The following CHRNG variants were observed in gnomAD, a reference collection of about 807,000 sequenced individuals.
CHRNG encodes the protein acetylcholine receptor subunit gamma.
Under a neutral mutation model 65.2 loss-of-function variants are expected in CHRNG, and 72 were observed. The ratio of observed to expected loss-of-function variants is 1.10; its 90% CI spans 0.91 to 1.34. The LOEUF is 1.34. Among genes scored for constraint, CHRNG ranks in the 40% most tolerant of loss-of-function variants. The pLI, the probability that CHRNG is intolerant of heterozygous loss-of-function variation, is 0.00. For missense variants in CHRNG, 637 were observed against 680.1 expected (o/e 0.94, Z 0.70); for synonymous variants, 284 against 290.2 (o/e 0.98, Z 0.22).
rs1447721025 is a variant in CHRNG, at chr2:232,548,060, T to C, written c.*2344T>C. On this transcript the variant is annotated 3_prime_UTR_variant, in exon 12 of 12. Coordinates refer to ENST00000651502, the MANE Select transcript of CHRNG (RefSeq NM_005199.5). The stretch of plus-strand genomic sequence containing the variant: ...AATAGCATTGTCTAATAAAACAATA[T>C]ACATACCTAAATTTAAAAATACTTT... 5.1e-6 allele frequency: 3 copies of C among 587,830 alleles called. No homozygotes were observed. The highest frequency in any genetic ancestry group is 6.9e-5 in the Admixed American group (2 of 28,944). 36.4% of individuals were successfully genotyped at this position (587,830 alleles called of 1,614,324 possible).
Position 232,544,544 on chromosome 2 carries a change from C to G in CHRNG, c.1213C>G (p.Arg405Gly). The G allele has an allele frequency of 1.9e-6, 3 of 1,613,686 alleles. No homozygotes were observed. Among genetic ancestry groups the G allele is most frequent in the Non-Finnish European group, 2.5e-6 (3 of 1,179,904 alleles). ...RSELLFQQWQ[R>G]QGLVAAALEK... Reference sequence around the variant, plus strand: ...TGAACTCCTCTTCCAGCAGTGGCAGCGGCAAGGGCTGGTGGCGGCAGCGCT... The same window carrying G: ...TGAACTCCTCTTCCAGCAGTGGCAGGGGCAAGGGCTGGTGGCGGCAGCGCT... Residue 405 changes from arginine (R) to glycine (G), a missense_variant, in exon 10 of 12, where the codon CGG becomes GGG. Transcript: ENST00000651502.
chr2:232,541,722 C>G lies in CHRNG; in HGVS notation c.506+193C>G, dbSNP rs545869301. 4.6e-6 allele frequency: 3 copies of G among 649,508 alleles called. No homozygotes were observed. Among genetic ancestry groups the G allele is most frequent in the Non-Finnish European group, 8.1e-6 (3 of 371,130 alleles). 40.2% of individuals were successfully genotyped at this position (649,508 alleles called of 1,614,324 possible). ...GTGCCCAAGCTCTCCCTGCTAAGCC[C>G]GAGTCCCCTCACTCATCCTTTACTG... On this transcript the variant is annotated intron_variant, in intron 5 of 11. Transcript: ENST00000651502. The surrounding 1 kb of genome is among the most constrained non-coding windows in gnomAD (Gnocchi z 4.0).
At chr2:232,542,561 G>A in intron 6 of CHRNG, 41 bp downstream of exon 6, 1 of 1,363,996 alleles carries the variant, frequency 7.3e-7, no homozygotes, top group Non-Finnish European at 1.0e-6. Flanking sequence ...CCTCATCCAG[G>A]GCTCCTGCTG....
chr2:232,542,838 C>T, intron 6 of CHRNG, 44 bp from the exon 7 acceptor site: 1 of 1,553,804 alleles, frequency 6.4e-7, no homozygotes, highest in Non-Finnish European at 8.8e-7. Flanking sequence ...ATCTGCCTAG[C>T]TCACGCTTCT....
Position 232,540,422 on chromosome 2 carries a change from G to GA in CHRNG, c.238dup (p.Met80AsnfsTer56). 6.2e-7 allele frequency: 1 copy of GA among 1,614,002 alleles called. No individual in the cohort carries two copies. Among genetic ancestry groups the GA allele is most frequent in the Non-Finnish European group, 8.5e-7 (1 of 1,179,986 alleles). On this transcript the variant is annotated frameshift_variant, in exon 3 of 12. Transcript: ENST00000651502. LOFTEE classifies it high-confidence loss of function. The surrounding 1 kb of genome is among the most constrained non-coding windows in gnomAD (Gnocchi z 4.2). ...CCCTCACCACCAATGTCTGGATAGA[G>GA]ATGGTAAGAGGCCACCCTGCCACCC...
rs779289856 is a variant in CHRNG at position 232,544,868 on chromosome 2, C to T, written c.1346C>T (p.Ala449Val). The change falls in exon 11 of 12, where the codon GCC becomes GTC. Residue 449 changes from alanine to valine, a missense_variant. Transcript: ENST00000651502. ...TGTGTGGAAGCCTGCAACCTCATTG[C>T]CTGTGCCCGGCACCAGCAGAGTCAC... ...QACVEACNLI[A>V]CARHQQSHFD... is the part of the protein sequence containing the mutation. 1.2e-6 allele frequency: 2 copies of T among 1,613,876 alleles called. No individual in the cohort carries two copies. The highest frequency in any genetic ancestry group is 1.7e-6 in the Non-Finnish European group (2 of 1,180,016).
rs1396725532 is a variant in CHRNG at position 232,541,283 on chromosome 2, CT to C, written c.351-90del. The stretch of plus-strand genomic sequence containing the variant: ...GGTAGGGACTGGTGTCCCCAGGCCC[CT>C]ATCCACATGGGGCACAGGGGCTGGT... On this transcript the variant is annotated intron_variant, in intron 4 of 11. Transcript: ENST00000651502. This position sits in a 1 kb window ranked among gnomAD's most constrained non-coding sequence, Gnocchi z 4.0. 22 of 1,534,044 alleles carry C rather than the reference CT, an allele frequency of 1.4e-5. No homozygotes were observed. The highest frequency in any genetic ancestry group is 1.8e-5 in the Non-Finnish European group (20 of 1,113,560).
Position 232,544,821 on chromosome 2 carries a change from G to C in CHRNG, c.1299G>C (p.Gln433His), listed in dbSNP as rs1346603170. The change falls in exon 11 of 12, where the codon CAG becomes CAC. Residue 433 changes from glutamine to histidine, a missense_variant. Gln to His is a conservative substitution (Grantham distance 24). Transcript: ENST00000651502. ...GLSQFCGSLK[Q>H]AAPAIQACVE... ...GCCAGTTCTGTGGCAGCCTGAAGCA[G>C]GCTGCCCCAGCCATCCAGGCCTGTG... is the stretch of plus-strand genomic sequence containing the variant. The C allele has an allele frequency of 6.2e-7, 1 of 1,613,754 alleles. No individual in the cohort carries two copies.
Position 232,543,489 on chromosome 2 carries a change from A to G in CHRNG, c.921-96A>G. ...CTCTTGCCCTCCATCCACCCCCCCC[A>G]TCCTCAATTCAGGAGGCCTGAGGGG... On this transcript the variant is annotated intron_variant, in intron 8 of 11. Coordinates refer to ENST00000651502, the MANE Select transcript of CHRNG (RefSeq NM_005199.5). 2.6e-6 allele frequency: 3 copies of G among 1,139,388 alleles called. No individual in the cohort carries two copies. In the Admixed American group the frequency reaches 6.3e-5, roughly 24 times the overall value. The allele number at this position is 1,139,388 out of a possible 1,614,324, so 70.6% of individuals were successfully genotyped here. A position where few individuals can be genotyped will look rare whatever the true frequency, so the allele number is the denominator to read the frequency against.
At position 232,545,985 on chromosome 2, in the gene CHRNG, C is replaced by G. The variant is rs1258248685; in HGVS notation, c.*269C>G. ...TCCTGGCACCAGCCACCCCTCCACT[C>G]AGTGCACTCCCCTCACTTAGGCAAA... On this transcript the variant is annotated 3_prime_UTR_variant, in exon 12 of 12. Transcript: ENST00000651502. The G allele has an allele frequency of 1.7e-6, 1 of 579,946 alleles. No individual in the cohort carries two copies. The highest frequency in any genetic ancestry group is 3.1e-6 in the Non-Finnish European group (1 of 320,274). The allele number at this position is 579,946 out of a possible 1,614,324, so 35.9% of individuals were successfully genotyped here.
In CHRNG at chr2:232,543,086, C is replaced by T. The variant is rs372184553; in HGVS notation, c.805+4C>T. ...ATCCACTTCCTTCCTGCCAAGGGTA[C>T]CTGGAGCCTATGGGAAGGAGCCATC... is the stretch of plus-strand genomic sequence containing the variant. On this transcript the variant is annotated splice_donor_region_variant and intron_variant, in intron 7 of 11. Transcript: ENST00000651502. The T allele has an allele frequency of 1.5e-5, 24 of 1,613,716 alleles. No individual in the cohort carries two copies. In the African/African-American group the frequency reaches 3.2e-4, roughly 22 times the overall value.
rs767049166 is a variant in CHRNG at position 232,540,636 on chromosome 2, G to A, written c.275G>A (p.Arg92Gln). 30 of 1,612,910 alleles carry A rather than the reference G, an allele frequency of 1.9e-5. No individual in the cohort carries two copies. The East Asian group carries it at 2.5e-4, about 13-fold the overall frequency. ...GACTATCGCCTGCGCTGGGATCCGC[G>A]AGACTACGAAGGCCTGTGGGTGCTG... is the stretch of plus-strand genomic sequence containing the variant. ...WCDYRLRWDP[R>Q]DYEGLWVLRV... The change falls in exon 4 of 12, where the codon CGA becomes CAA. Residue 92 changes from arginine (R) to glutamine (Q), a missense_variant. Coordinates refer to ENST00000651502, the MANE Select transcript of CHRNG (RefSeq NM_005199.5). This position sits in a 1 kb window ranked among gnomAD's most constrained non-coding sequence, Gnocchi z 4.2.
At chr2:232,539,907 C>T (rs1050788484) in intron 1 of CHRNG, 85 bp from the exon 2 acceptor site, 20 of 1,606,918 alleles carry the variant, frequency 1.2e-5, no homozygotes, top group South Asian at 7.7e-5. Context: ...GGACCCAGTT[C>T]CCTGAGTCCC....
chr2:232,541,571 G>A lies in CHRNG; in HGVS notation c.506+42G>A, dbSNP rs1692018437. 2 of 1,607,652 alleles carry A rather than the reference G, an allele frequency of 1.2e-6. No individual in the cohort carries two copies. Among genetic ancestry groups the A allele is most frequent in the Non-Finnish European group, 1.7e-6 (2 of 1,179,176 alleles). ...GGGAGGATTAAGAGAGCTGCTCTCA[G>A]AGGGGCCTGGGCAGTGGTGGGGTAA... On this transcript the variant is annotated intron_variant, in intron 5 of 11. Transcript: ENST00000651502. The surrounding 1 kb of genome is among the most constrained non-coding windows in gnomAD (Gnocchi z 4.0).
rs562647105 is a variant in CHRNG, at chr2:232,547,525, C to T, written c.*1809C>T. ...AGGGGACCTTGGAAATATGCCCTCCCTCCAAGCACAGGATTGCTGTCTTTG... is the reference window on the plus strand; with the variant it reads ...AGGGGACCTTGGAAATATGCCCTCCTTCCAAGCACAGGATTGCTGTCTTTG... On this transcript the variant is annotated 3_prime_UTR_variant, in exon 12 of 12. Transcript: ENST00000651502. 1.3e-5 allele frequency among the ~76,000 whole-genome samples: 2 copies of T among 152,338 alleles called. No homozygotes were observed. Among genetic ancestry groups the T allele is most frequent in the South Asian group, 4.1e-4 (2 of 4,824 alleles).
chr2:232,542,878 G>GCCTGCCCA lies in CHRNG; in HGVS notation c.605-3_605-2insCTGCCCAC, dbSNP rs1559304007. On this transcript the variant is annotated splice_region_variant and splice_polypyrimidine_tract_variant and intron_variant, in intron 6 of 11. Transcript: ENST00000651502. ...CCCACTCCTGCCTGCCTGCCTGCCCGCAGAGAATGGGGAGTGGGCCATCCA... is the reference window on the plus strand; with the variant it reads ...CCCACTCCTGCCTGCCTGCCTGCCCGCCTGCCCACAGAGAATGGGGAGTGGGCCATCCA... The GCCTGCCCA allele has an allele frequency of 6.2e-7, 1 of 1,611,916 alleles. No homozygotes were observed. Among genetic ancestry groups the GCCTGCCCA allele is most frequent in the African/African-American group, 1.3e-5 (1 of 74,904 alleles).
rs372184553 is a variant in CHRNG, at chr2:232,543,086, C to A, written c.805+4C>A. On this transcript the variant is annotated splice_donor_region_variant and intron_variant, in intron 7 of 11. Transcript: ENST00000651502. ...ATCCACTTCCTTCCTGCCAAGGGTA[C>A]CTGGAGCCTATGGGAAGGAGCCATC... The A allele has an allele frequency of 3.1e-6, 5 of 1,613,834 alleles. 1 individual carries two copies. In the South Asian group the frequency reaches 5.5e-5, roughly 18 times the overall value.
At position 232,541,416 on chromosome 2, in the gene CHRNG, C is replaced by T. The variant is rs771229265; in HGVS notation, c.393C>T (p.Leu131=). The T allele has an allele frequency of 5.0e-6, 8 of 1,613,976 alleles. No individual in the cohort carries two copies. Among genetic ancestry groups the T allele is most frequent in the South Asian group, 2.2e-5 (2 of 91,090 alleles). The part of the protein sequence containing the change: ...VFEVALYCNV[L]VSPDGCIYWL... The stretch of plus-strand genomic sequence containing the variant: ...AGGTGGCCCTCTACTGCAATGTGCT[C>T]GTGTCCCCTGACGGCTGTATCTACT... The change falls in exon 5 of 12, where the codon CTC becomes CTT. Residue 131 remains leucine, a synonymous_variant. Transcript: ENST00000651502. The surrounding 1 kb of genome is among the most constrained non-coding windows in gnomAD (Gnocchi z 4.0).
rs1223161313 is a variant in CHRNG at position 232,547,310 on chromosome 2, C to T, written c.*1594C>T. ...ATGCATGCCTGTAGTCCCAGTTACT[C>T]GGGAGGCTGAGGTGGGAGGATCGCT... On this transcript the variant is annotated 3_prime_UTR_variant, in exon 12 of 12. Coordinates refer to ENST00000651502, the MANE Select transcript of CHRNG (RefSeq NM_005199.5). Among the ~76,000 whole-genome samples the T allele has an allele frequency of 6.6e-5, 10 of 151,954 alleles. No individual in the cohort carries two copies. Among genetic ancestry groups the T allele is most frequent in the African/African-American group, 2.4e-4 (10 of 41,352 alleles).
Sources: gnomAD v4.1 joint callset for allele counts (sites outside exome capture counted in the v4.1 genomes callset) on GRCh38, gnomAD v4.1.1 for gene constraint, Gnocchi (gnomAD v3.1) non-coding constraint, MANE v1.5 for transcripts, NCBI Gene and HGNC (gene_info 2026-07-23, HGNC 2026-07-21) for gene names.